TNFAIP8: variants seen among roughly 807,000 people sequenced by gnomAD.
The protein encoded by TNFAIP8 is tumor necrosis factor alpha-induced protein 8.
A neutral mutation model predicts 13.3 loss-of-function variants in TNFAIP8; 7 were observed. That is an observed-to-expected ratio of 0.52 (90% CI 0.30 to 0.99). TNFAIP8 has a LOEUF of 0.99. Among genes scored for constraint, TNFAIP8 ranks in the 50% least tolerant of loss-of-function variants. The pLI is 0.07. For missense variants in TNFAIP8, 258 were observed against 236.9 expected, an observed-to-expected ratio of 1.09 and a Z score of -0.58; for synonymous variants, 94 against 87.6, an observed-to-expected ratio of 1.07 and a Z score of -0.41.
At chr5:119,341,256 A>T (rs963416899) in intron 1 of TNFAIP8, among the ~76,000 whole-genome samples, 2 of 152,162 alleles carry the variant, frequency 1.3e-5, no homozygotes, top group African/African-American at 4.8e-5. Context: ...GTTAGTCTAT[A>T]TAAGTCAATG....
At chr5:119,285,985 A>G (rs1170229103) in intron 1 of TNFAIP8, among the ~76,000 whole-genome samples, 1 of 152,246 alleles carries the variant, frequency 6.6e-6, no homozygotes, top group Non-Finnish European at 1.5e-5. Context: ...AGAAGAATGA[A>G]CAACATACTG....
intron 1 of TNFAIP8, among the ~76,000 whole-genome samples, chr5:119,329,197 G>A (rs1047732144): frequency 3.3e-4 from 50 of 152,172 alleles, no homozygotes; most frequent in Admixed American, 2.0e-4. Flanking sequence ...TGGTATCAGC[G>A]GTCTTGCCAA....
At chr5:119,309,808 T>G (rs890542213) in intron 1 of TNFAIP8, among the ~76,000 whole-genome samples, 1 of 152,218 alleles carries the variant, frequency 6.6e-6, no homozygotes, top group African/African-American at 2.4e-5. Flanking sequence ...CTTGTCTTAT[T>G]GGCATTTAAC....
intron 1 of TNFAIP8, among the ~76,000 whole-genome samples, chr5:119,326,234 T>C (rs1750221226): frequency 6.6e-6 from 1 of 152,192 alleles, no homozygotes; most frequent in South Asian, 2.1e-4. Flanking sequence ...ATAGTGATGG[T>C]TACCTCTTGG....
intron 1 of TNFAIP8, among the ~76,000 whole-genome samples, chr5:119,322,772 G>A (rs1026332274): frequency 2.8e-4 from 42 of 152,084 alleles, no homozygotes; most frequent in Non-Finnish European, 2.9e-4. Context: ...TCTCTCCCTG[G>A]TGATCCCGCC....
intron 1 of TNFAIP8, among the ~76,000 whole-genome samples, chr5:119,344,142 G>T (rs1232849359): frequency 6.6e-6 from 1 of 152,158 alleles, no homozygotes; most frequent in Non-Finnish European, 1.5e-5. Context: ...AAGAAAAGAG[G>T]TTTATTTGGC....
At chr5:119,281,674 C>G (rs1211056384) in intron 1 of TNFAIP8, among the ~76,000 whole-genome samples, 1 of 152,194 alleles carries the variant, frequency 6.6e-6, no homozygotes, top group African/African-American at 2.4e-5. Context: ...TCTGCATCAT[C>G]AGATCTTATT....
At chr5:119,287,585 A>G (rs966665781) in intron 1 of TNFAIP8, among the ~76,000 whole-genome samples, 1 of 152,116 alleles carries the variant, frequency 6.6e-6, no homozygotes, top group Non-Finnish European at 1.5e-5. Context: ...GTTTGTATCA[A>G]CAACTCCCCA....
At chr5:119,294,188 C>A in intron 1 of TNFAIP8, among the ~76,000 whole-genome samples, 1 of 125,408 alleles carries the variant, frequency 8.0e-6, no homozygotes. Flanking sequence ...TAATGCTATC[C>A]CTCCCCCCTC....
At chr5:119,331,037 G>C (rs1750360380) in intron 1 of TNFAIP8, among the ~76,000 whole-genome samples, 1 of 151,996 alleles carries the variant, frequency 6.6e-6, no homozygotes, top group Non-Finnish European at 1.5e-5. Flanking sequence ...TCAGCCACTA[G>C]GCCACCAGGC....
intron 1 of TNFAIP8, among the ~76,000 whole-genome samples, chr5:119,284,101 G>C (rs1196033361): frequency 6.6e-6 from 1 of 152,150 alleles, no homozygotes; most frequent in African/African-American, 2.4e-5. Context: ...ATGGCAGTTT[G>C]AAATAAGTTC....
At chr5:119,389,511 T>G (rs1752812984) in intron 1 of TNFAIP8, among the ~76,000 whole-genome samples, 1 of 152,092 alleles carries the variant, frequency 6.6e-6, no homozygotes, top group Non-Finnish European at 1.5e-5. Context: ...AACTGACAAA[T>G]GAGCCTGCAC....
intron 1 of TNFAIP8, among the ~76,000 whole-genome samples, chr5:119,323,317 T>C (rs1377241322): frequency 6.6e-6 from 1 of 152,226 alleles, no homozygotes; most frequent in Non-Finnish European, 1.5e-5. Flanking sequence ...CTTAATAACC[T>C]GTTCCCAAGC....
intron 1 of TNFAIP8, among the ~76,000 whole-genome samples, chr5:119,335,501 C>T (rs189700763): frequency 6.6e-6 from 1 of 152,152 alleles, no homozygotes; most frequent in Admixed American, 6.5e-5. Flanking sequence ...TTATGTTTCA[C>T]CTGGGCTGGC....
chr5:119,273,588 T>C (rs1748354718), intron 1 of TNFAIP8, among the ~76,000 whole-genome samples: 1 of 152,240 alleles, frequency 6.6e-6, no homozygotes, highest in Non-Finnish European at 1.5e-5. Flanking sequence ...ATTAAGCTTC[T>C]CTGCATGAGG....
intron 1 of TNFAIP8, among the ~76,000 whole-genome samples, chr5:119,278,697 T>C (rs1218140338): frequency 2.0e-5 from 3 of 152,066 alleles, no homozygotes; most frequent in African/African-American, 7.2e-5. Flanking sequence ...TAAAGGCCAG[T>C]TACAGCCATC....
chr5:119,347,783 G>A (rs936512053), intron 1 of TNFAIP8, among the ~76,000 whole-genome samples: 5 of 152,170 alleles, frequency 3.3e-5, no homozygotes, highest in Non-Finnish European at 5.9e-5. Context: ...GAGTTTTTCT[G>A]TTGAGTGTCA....
intron 1 of TNFAIP8, among the ~76,000 whole-genome samples, chr5:119,372,950 G>A (rs1377986138): frequency 2.0e-5 from 3 of 152,126 alleles, no homozygotes; most frequent in African/African-American, 7.2e-5. Context: ...GAAAGATTGA[G>A]ACTCCATCTC....
chr5:119,326,128 C>A (rs959410922), intron 1 of TNFAIP8, among the ~76,000 whole-genome samples: 1 of 152,154 alleles, frequency 6.6e-6, no homozygotes, highest in Non-Finnish European at 1.5e-5. Context: ...TCAGTAGGTA[C>A]TAGGTAAATG....
Sources: allele counts gnomAD v4.1 joint callset (sites outside exome capture counted in the v4.1 genomes callset), GRCh38; gene constraint gnomAD v4.1.1; transcripts MANE v1.5; gene names NCBI Gene and HGNC (gene_info 2026-07-23, HGNC 2026-07-21).